Variants in WDR90 observed in about 807,000 individuals in gnomAD.
The protein encoded by WDR90 is WD repeat-containing protein 90.
Under a neutral mutation model 195.2 loss-of-function variants are expected in WDR90, and 238 were observed. The ratio of observed to expected loss-of-function variants is 1.22; its 90% CI spans 1.10 to 1.36. The LOEUF is 1.36. Among genes scored for constraint, WDR90 ranks in the 40% most tolerant of loss-of-function variants. WDR90 has a pLI of 0.00. For synonymous variants in WDR90, 1,265 were observed against 1,052.4 expected, an observed-to-expected ratio of 1.20 and a Z score of -3.91; for missense variants, 2,734 against 2,439.5, an observed-to-expected ratio of 1.12 and a Z score of -2.54.
At chr16:655,256 T>G (rs768712646) in intron 14 of WDR90, 51 bp from the exon 15 acceptor site, 60 of 1,611,162 alleles carry the variant, frequency 3.7e-5, no homozygotes, top group South Asian at 8.8e-5. Context: ...CGTCTCCCGG[T>G]GGGTCAGGGC....
In WDR90 at chr16:658,268, T is replaced by C. The variant is rs545420939; in HGVS notation, c.2690T>C (p.Leu897Pro). 2 of 1,612,632 alleles carry C rather than the reference T, an allele frequency of 1.2e-6. No individual in the cohort carries two copies. The highest frequency in any genetic ancestry group is 2.2e-5 in the East Asian group (1 of 44,866). The change falls in exon 22 of 41, where the codon CTG (leucine) becomes CCG (proline). Residue 897 changes from leucine (L) to proline (P), a missense_variant. Physicochemically the swap from Leu to Pro is moderately conservative, Grantham distance 98. Coordinates refer to ENST00000293879, the MANE Select transcript of WDR90 (RefSeq NM_145294.5). ...AMAVCFGPAA[L>P]GHLLVSTSSN... ...GCTGTGTGCTTTGGCCCTGCAGCTC[T>C]GGGCCACCTGCTGGTGTCCACCTCG...
At chr16:658,464 G>A (rs1448010447) in intron 22 of WDR90, 61 bp from the exon 23 acceptor site, 4 of 1,581,716 alleles carry the variant, frequency 2.5e-6, no homozygotes, top group Non-Finnish European at 3.5e-6. Context: ...AACGAAGGGA[G>A]GCCCCAGGCT....
chr16:651,156 G>A (rs775637436), intron 6 of WDR90, 43 bp from the exon 7 acceptor site: 4 of 1,612,840 alleles, frequency 2.5e-6, no homozygotes, highest in Admixed American at 1.7e-5. Context: ...AGGGTGGGTG[G>A]CCCTTGGGCC....
At chr16:666,879 T>C (rs753629074) in intron 39 of WDR90, 26 bp from the exon 40 acceptor site, 1 of 1,613,040 alleles carries the variant, frequency 6.2e-7, no homozygotes, top group South Asian at 1.1e-5. Flanking sequence ...CCCACAGGCC[T>C]GGAGCCTCAC....
chr16:666,513 G>T lies in WDR90; in HGVS notation c.4799G>T (p.Arg1600Leu). The T allele has an allele frequency of 6.2e-7, 1 of 1,612,686 alleles. No homozygotes were observed. Among genetic ancestry groups the T allele is most frequent in the African/African-American group, 1.3e-5 (1 of 75,038 alleles). Reference protein sequence around the residue: ...DLWLAASGDQRVSVWASDWLR... With the variant: ...DLWLAASGDQLVSVWASDWLR... ...TGGCTGGCTGCCAGTGGGGACCAGC[G>T]GGTCAGCGTCTGGGCCTCCGACTGG... is the stretch of plus-strand genomic sequence containing the variant. The change falls in exon 38 of 41, where the codon CGG becomes CTG. Residue 1600 changes from arginine (R) to leucine (L), a missense_variant. By Grantham distance (102) the Arg-to-Leu change is moderately radical. Transcript: ENST00000293879.
At position 653,733 on chromosome 16, in the gene WDR90, TC is replaced by T. The variant is rs1392476822; in HGVS notation, c.1380-10del. ...AGCCCAGGCGACAATGACCACCTCC[TC>T]CCTGTTCACAGCTTCTCTGACAGCG... is the stretch of plus-strand genomic sequence containing the variant. On this transcript the variant is annotated splice_polypyrimidine_tract_variant and intron_variant, in intron 12 of 40. Transcript: ENST00000293879. 6.2e-7 allele frequency: 1 copy of T among 1,613,344 alleles called. No homozygotes were observed. The highest frequency in any genetic ancestry group is 2.2e-5 in the East Asian group (1 of 44,872).
chr16:651,798 G>A, intron 8 of WDR90, 29 bp from the exon 9 acceptor site: 1 of 1,611,878 alleles, frequency 6.2e-7, no homozygotes, highest in East Asian at 2.2e-5. Context: ...GATGGCCCAG[G>A]ACGCTGATGG....
chr16:662,419 A>G, intron 33 of WDR90, 88 bp downstream of exon 33: 1 of 1,477,256 alleles, frequency 6.8e-7, no homozygotes, highest in Non-Finnish European at 9.1e-7. Context: ...GCCCCCGCAA[A>G]GGCCGCCCTG....
intron 1 of WDR90, 98 bp from the exon 2 acceptor site, chr16:649,665 C>T (rs2037598389): frequency 7.8e-7 from 1 of 1,277,328 alleles, no homozygotes; most frequent in Non-Finnish European, 1.0e-6. Flanking sequence ...GCGCGGAGAG[C>T]CCCGGCTCCT....
rs773222640 is a variant in WDR90 at position 661,358 on chromosome 16, C to T, written c.3530C>T (p.Ser1177Leu). 3.4e-5 allele frequency: 54 copies of T among 1,605,352 alleles called. No individual in the cohort carries two copies. The African/African-American group carries it at 5.3e-4, about 16-fold the overall frequency. The change falls in exon 30 of 41, where the codon TCG (serine) becomes TTG (leucine). Residue 1177 changes from serine to leucine, a missense_variant. Ser to Leu is a moderately radical substitution (Grantham distance 145, BLOSUM62 -2). Coordinates refer to ENST00000293879, the MANE Select transcript of WDR90 (RefSeq NM_145294.5). ...SHSAQVLASASGRSSTTAHCQ... is the reference protein window; with the variant it reads ...SHSAQVLASALGRSSTTAHCQ... ...GCCTGCCAGGTCCTGGCCTCTGCCT[C>T]GGGCCGAAGCAGCACGACCGCCCAT...
chr16:656,668 G>T (rs34775748), intron 18 of WDR90, 64 bp from the exon 19 acceptor site: 1 of 1,575,234 alleles, frequency 6.3e-7, no homozygotes, highest in East Asian at 2.3e-5. Context: ...GGTTTGGGCC[G>T]CCTGGAGAGC....
chr16:655,752 C>T (rs369542240), intron 16 of WDR90, 21 bp from the exon 17 acceptor site: 256 of 1,581,914 alleles, frequency 1.6e-4, no homozygotes, highest in Non-Finnish European at 2.2e-4. Flanking sequence ...CACCGAGGCA[C>T]TGACGCCTCC....
At chr16:657,919 G>A in intron 21 of WDR90, 27 bp downstream of exon 21, 1 of 1,527,510 alleles carries the variant, frequency 6.5e-7, no homozygotes. Context: ...CCTGGGTCCA[G>A]GGAGACTGGG....
chr16:666,090 G>C lies in WDR90; in HGVS notation c.4575G>C (p.Pro1525=), dbSNP rs780534225. The change falls in exon 36 of 41, where the codon CCG becomes CCC. Residue 1525 remains proline, a synonymous_variant. Coordinates refer to ENST00000293879, the MANE Select transcript of WDR90 (RefSeq NM_145294.5). ...TAMELKMHPH[P]VALTTVAFST... is the part of the protein sequence containing the mutation. Reference sequence around the variant, plus strand: ...TGGAGCTCAAGATGCACCCCCACCCGGTGGCGCTGACCACTGTTGCCTTCT... The same window carrying C: ...TGGAGCTCAAGATGCACCCCCACCCCGTGGCGCTGACCACTGTTGCCTTCT... 1 of 1,610,256 alleles carries C rather than the reference G, an allele frequency of 6.2e-7. No homozygotes were observed. The highest frequency in any genetic ancestry group is 8.5e-7 in the Non-Finnish European group (1 of 1,179,636).
Position 651,986 on chromosome 16 carries a change from G to A in WDR90, c.1000G>A (p.Val334Met), listed in dbSNP as rs201213089. Residue 334 changes from valine (V) to methionine (M), a missense_variant, in exon 9 of 41, where the codon GTG becomes ATG. Transcript: ENST00000293879. ...DIHTAAAGTH[V>M]LTHESAEVPV... ...CCACACGGCTGCTGCCGGCACCCAC[G>A]TGTTGACTCACGAGTCGGCTGAGGT... is the stretch of plus-strand genomic sequence containing the variant. 89 of 1,606,794 alleles carry A rather than the reference G, an allele frequency of 5.5e-5. No homozygotes were observed. In the African/African-American group the frequency reaches 9.2e-4, roughly 17 times the overall value.
At chr16:654,126 C>T in intron 13 of WDR90, 1 of 405,118 alleles carries the variant, frequency 2.5e-6, no homozygotes, top group Non-Finnish European at 4.4e-6. Context: ...TGCAGCTGAC[C>T]CACGCTTGGG....
In WDR90 at chr16:655,678, C is replaced by T. The variant is rs935702260; in HGVS notation, c.1824C>T (p.His608=). The T allele has an allele frequency of 5.0e-6, 8 of 1,599,292 alleles. No homozygotes were observed. The African/African-American group carries it at 8.0e-5, about 16-fold the overall frequency. The change falls in exon 16 of 41, where the codon CAC becomes CAT. Residue 608 remains histidine, a synonymous_variant. Transcript: ENST00000293879. ...LLPTRTPGGP[H]PQKQTFSSGP... ...CCACACGGACTCCAGGCGGTCCCCA[C>T]CCACAGAAGCAGACCTTCAGCTCAG...
rs1488053618 is a variant in WDR90, at chr16:661,159, G to A, written c.3500G>A (p.Ser1167Asn). The change falls in exon 29 of 41, where the codon AGC becomes AAC. Residue 1167 changes from serine (S) to asparagine (N), a missense_variant. By Grantham distance (46) the Ser-to-Asn change is conservative. Coordinates refer to ENST00000293879, the MANE Select transcript of WDR90 (RefSeq NM_145294.5). ...HSAEISTLAL[S>N]HSAQVLASAS... The stretch of plus-strand genomic sequence containing the variant: ...GCGGAGATCTCCACGCTGGCCCTCA[G>A]CCACAGTGCCCAGGTGCCCGCCTGC... 3 of 1,551,616 alleles carry A rather than the reference G, an allele frequency of 1.9e-6. No homozygotes were observed. The highest frequency in any genetic ancestry group is 2.6e-6 in the Non-Finnish European group (3 of 1,154,846).
rs758014977 is a variant in WDR90, at chr16:666,797, A to ATG, written c.5004+5_5004+6insTG. On this transcript the variant is annotated splice_donor_region_variant and intron_variant, in intron 39 of 40. Transcript: ENST00000293879. ...TACAACCTCTGCCAGAAGCAGGTACACGCAGCTGCCCGCGTGTCACTGGGA... is the reference window on the plus strand; with the variant it reads ...TACAACCTCTGCCAGAAGCAGGTACATGCGCAGCTGCCCGCGTGTCACTGGGA... 4.7e-5 allele frequency: 75 copies of ATG among 1,612,576 alleles called. No individual in the cohort carries two copies. Among genetic ancestry groups the ATG allele is most frequent in the Non-Finnish European group, 6.3e-5 (74 of 1,179,926 alleles).
Sources: gnomAD v4.1 joint callset for allele counts on GRCh38, gnomAD v4.1.1 for gene constraint, MANE v1.5 for transcripts, NCBI Gene and HGNC (gene_info 2026-07-23, HGNC 2026-07-21) for gene names.